Variants in SLC26A7 observed in about 807,000 individuals in gnomAD.
SLC26A7 encodes solute carrier family 26 member 7.
SLC26A7 carries 59 observed loss-of-function variants against 82.5 expected under a neutral mutation model. The ratio of observed to expected loss-of-function variants is 0.72; its 90% CI spans 0.58 to 0.89. SLC26A7 has a LOEUF of 0.89. Among genes scored for constraint, SLC26A7 ranks in the 40% least tolerant of loss-of-function variants. SLC26A7 has a pLI of 0.00. For synonymous variants in SLC26A7, 271 were observed against 274.3 expected, an observed-to-expected ratio of 0.99 and a Z score of 0.12; for missense variants, 820 against 793.0, an observed-to-expected ratio of 1.03 and a Z score of -0.41.
rs1444794846 is a variant in SLC26A7, at chr8:91,351,909, A to G, written c.1218+22A>G. On this transcript the variant is annotated intron_variant, in intron 10 of 18. Transcript: ENST00000276609. ...CATGGTACGGTAGTGCTTTTTCACT[A>G]TCTACTTTTTAATTTAACTTTTCAT... 4.6e-6 allele frequency: 7 copies of G among 1,530,326 alleles called. No individual in the cohort carries two copies. In the Admixed American group the frequency reaches 1.0e-4, roughly 22 times the overall value. The allele number at this position is 1,530,326 out of a possible 1,614,324, so 94.8% of individuals were successfully genotyped here.
At chr8:91,247,874 A>T (rs1810568207), upstream of SLC26A7, among the ~76,000 whole-genome samples, 1 of 152,186 alleles carries the variant, frequency 6.6e-6, no homozygotes, top group Non-Finnish European at 1.5e-5. Flanking sequence ...TGACCTAGAT[A>T]GGATTTGAAA....
At chr8:91,365,233 G>T (rs1814159703) in intron 13 of SLC26A7, among the ~76,000 whole-genome samples, 1 of 152,142 alleles carries the variant, frequency 6.6e-6, no homozygotes, top group African/African-American at 2.4e-5. Flanking sequence ...CAATCTTTTG[G>T]CTTCCCTGGG....
At chr8:91,318,089 A>C in intron 4 of SLC26A7, 127 bp from the exon 5 acceptor site, 1 of 726,672 alleles carries the variant, frequency 1.4e-6, no homozygotes, top group Non-Finnish European at 2.2e-6. Context: ...CAATGTAACA[A>C]ACTTGTTACA....
chr8:91,349,000 T>A (rs557231181), intron 9 of SLC26A7, among the ~76,000 whole-genome samples: 198 of 152,356 alleles, frequency 1.3e-3, no homozygotes, highest in Non-Finnish European at 2.3e-3. Flanking sequence ...TGGCTTTCAC[T>A]GCATAATCTC....
intron 4 of SLC26A7, among the ~76,000 whole-genome samples, chr8:91,298,222 G>A (rs140229094): frequency 1.6e-4 from 24 of 151,820 alleles, no homozygotes; most frequent in African/African-American, 5.6e-4. Flanking sequence ...TGATAAGTAA[G>A]TTTCCCCCAC....
At chr8:91,381,196 A>T (rs1486453678) in intron 15 of SLC26A7, among the ~76,000 whole-genome samples, 2 of 152,152 alleles carry the variant, frequency 1.3e-5, no homozygotes, top group African/African-American at 4.8e-5. Context: ...TTGTTTATTA[A>T]TTCCCCAAAA....
chr8:91,364,917 A>G (rs530794143), intron 13 of SLC26A7, among the ~76,000 whole-genome samples: 6 of 152,216 alleles, frequency 3.9e-5, no homozygotes, highest in Non-Finnish European at 8.8e-5. Context: ...TAATTATTCA[A>G]TGTTTTGTAT....
At chr8:91,332,491 T>TACACACACACACACACACACAC (rs34306717) in intron 5 of SLC26A7, among the ~76,000 whole-genome samples, 1 of 125,222 alleles carries the variant, frequency 8.0e-6, no homozygotes, top group Non-Finnish European at 1.7e-5. Context: ...ATATATTTAA[T>TACACACACACACACACACACAC]ACACACACAC....
intron 4 of SLC26A7, among the ~76,000 whole-genome samples, chr8:91,310,179 AG>A (rs1481390216): frequency 6.6e-6 from 1 of 152,090 alleles, no homozygotes; most frequent in Admixed American, 6.5e-5. Context: ...GTTGGGGTGG[AG>A]GAGGGCCCTC....
At chr8:91,280,264 T>C (rs529404641) in intron 2 of SLC26A7, among the ~76,000 whole-genome samples, 3 of 152,346 alleles carry the variant, frequency 2.0e-5, no homozygotes, top group Non-Finnish European at 2.9e-5. Flanking sequence ...ACTAATTCTA[T>C]GTGCAATTTT....
chr8:91,239,453 C>CGTATATATATGTGTATATAT (rs1049053575), intron 2 of SLC26A7, among the ~76,000 whole-genome samples: 1 of 143,998 alleles, frequency 6.9e-6, no homozygotes, highest in African/African-American at 2.6e-5. Context: ...TGTGTATATA[C>CGTATATATATGTGTATATAT]GTATATATAT....
At chr8:91,291,622 T>G (rs1291908441) in intron 3 of SLC26A7, among the ~76,000 whole-genome samples, 1 of 152,158 alleles carries the variant, frequency 6.6e-6, no homozygotes, top group East Asian at 1.9e-4. Context: ...ATACACAATT[T>G]GAACATACTT....
intron 2 of SLC26A7, among the ~76,000 whole-genome samples, chr8:91,239,393 A>ATATATATATATATATATGTATATGT (rs1290343702): frequency 2.0e-5 from 2 of 101,852 alleles, no homozygotes; most frequent in Non-Finnish European, 4.4e-5. Context: ...AAAAAAAAAA[A>ATATATATATATATATATGTATATGT]AAATATATAT....
chr8:91,394,770 A>G, intron 18 of SLC26A7: 1 of 1,068,052 alleles, frequency 9.4e-7, no homozygotes, highest in East Asian at 3.9e-5. Flanking sequence ...ATGTTGTTTA[A>G]CTGAATTTGC....
At chr8:91,244,503 C>A (rs1256181375), upstream of SLC26A7, among the ~76,000 whole-genome samples, 2 of 140,624 alleles carry the variant, frequency 1.4e-5, no homozygotes, top group East Asian at 4.2e-4. Flanking sequence ...TTTCTTGCTG[C>A]TTTTTTGTGT....
At chr8:91,229,412 C>G (rs1041599556) in intron 2 of SLC26A7, among the ~76,000 whole-genome samples, 1 of 152,124 alleles carries the variant, frequency 6.6e-6, no homozygotes, top group Non-Finnish European at 1.5e-5. Flanking sequence ...TATGAAAATT[C>G]TCAAACATAA....
At chr8:91,334,020 A>G (rs1813169280) in intron 5 of SLC26A7, among the ~76,000 whole-genome samples, 1 of 152,166 alleles carries the variant, frequency 6.6e-6, no homozygotes. Flanking sequence ...TCAGAGTGTC[A>G]GGGATGAAGC....
rs545790456 is a variant in SLC26A7, at chr8:91,264,291, C to A, written c.193+14447C>A. 4.6e-5 allele frequency among the ~76,000 whole-genome samples: 7 copies of A among 152,184 alleles called. No homozygotes were observed. The South Asian group carries it at 1.5e-3, about 32-fold the overall frequency. On this transcript the variant is annotated intron_variant, in intron 2 of 18. Coordinates refer to ENST00000276609, the MANE Select transcript of SLC26A7 (RefSeq NM_052832.4). ...AGCAAACTAATTCTAACATTGTCCC[C>A]CAGAATCACTGGGAGAAAAATCAGA...
At chr8:91,262,451 A>G (rs35717576) in intron 2 of SLC26A7, among the ~76,000 whole-genome samples, 8,361 of 152,040 alleles carry the variant, frequency 0.055, 266 homozygotes, top group African/African-American at 0.068. Flanking sequence ...CCAGCGTCTG[A>G]GCAGTCTTCA....
Sources: gnomAD v4.1 joint callset for allele counts (sites outside exome capture counted in the v4.1 genomes callset) on GRCh38, gnomAD v4.1.1 for gene constraint, MANE v1.5 for transcripts, NCBI Gene and HGNC (gene_info 2026-07-23, HGNC 2026-07-21) for gene names.